Variants in ARHGEF12 observed in about 807,000 individuals in gnomAD.
ARHGEF12 encodes the protein Rho guanine nucleotide exchange factor 12.
A neutral mutation model predicts 211.2 loss-of-function variants in ARHGEF12; 66 were observed. The observed-to-expected ratio is 0.31, with a 90% CI of 0.26 to 0.38. The LOEUF is 0.38. Ranked by LOEUF, ARHGEF12 falls within the 10% of genes least tolerant of loss-of-function variation. The probability of loss-of-function intolerance (pLI) is 1.00; values close to 1 mark genes in which losing one functional copy is unlikely to be tolerated. For missense variants in ARHGEF12, 1,429 were observed against 1,869.5 expected, an observed-to-expected ratio of 0.76 and a Z score of 4.34; for synonymous variants, 592 against 638.4, an observed-to-expected ratio of 0.93 and a Z score of 1.09.
In ARHGEF12 at chr11:120,350,278, G is replaced by A. The variant is rs188585791; in HGVS notation, c.32+13003G>A. On this transcript the variant is annotated intron_variant, in intron 1 of 40. Transcript: ENST00000397843. Reference sequence around the variant, plus strand: ...CGCTTGTAATCCCAGCACTTTGGGAGGCCGAGGTGGGCGGATCATGAGGTC... The same window carrying A: ...CGCTTGTAATCCCAGCACTTTGGGAAGCCGAGGTGGGCGGATCATGAGGTC... Among the ~76,000 whole-genome samples, 17 of 152,296 alleles carry A rather than the reference G, an allele frequency of 1.1e-4. No homozygotes were observed. In the East Asian group the frequency reaches 2.9e-3, roughly 26 times the overall value.
intron 1 of ARHGEF12, among the ~76,000 whole-genome samples, chr11:120,371,443 G>A (rs545458356): frequency 8.4e-4 from 128 of 152,312 alleles, no homozygotes; most frequent in Middle Eastern, 3.4e-3. Context: ...AGCTGAGATC[G>A]TGCCACTGCA....
chr11:120,354,135 C>T (rs939506044), intron 1 of ARHGEF12, among the ~76,000 whole-genome samples: 2 of 152,114 alleles, frequency 1.3e-5, no homozygotes, highest in Admixed American at 1.3e-4. Context: ...CACAGAGATG[C>T]CTGTGAGAAG....
chr11:120,472,922 T>G, intron 30 of ARHGEF12, 128 bp from the exon 31 acceptor site: 1 of 727,434 alleles, frequency 1.4e-6, no homozygotes, highest in Non-Finnish European at 2.4e-6. Flanking sequence ...CCCAAAGTGC[T>G]GAGATTACAG....
At chr11:120,427,871 G>C (rs1945394219) in intron 7 of ARHGEF12, among the ~76,000 whole-genome samples, 198 bp from the exon 8 acceptor site, 1 of 151,910 alleles carries the variant, frequency 6.6e-6, no homozygotes, top group Non-Finnish European at 1.5e-5. Context: ...CATTCTTTTG[G>C]ATTTTTAGGG....
rs113223215 is a variant in ARHGEF12 at position 120,421,833 on chromosome 11, C to T, written c.329C>T (p.Thr110Ile). 600 of 1,610,976 alleles carry T rather than the reference C, an allele frequency of 3.7e-4. No individual in the cohort carries two copies. The highest frequency in any genetic ancestry group is 4.6e-4 in the Non-Finnish European group (547 of 1,178,662). ...DGAAMRAGVQ[T>I]GDRIIKVNGT... Reference sequence around the variant, plus strand: ...GCAGCCATGCGGGCTGGAGTACAGACAGGTGATCGAATCATCAAGGTAAGG... The same window carrying T: ...GCAGCCATGCGGGCTGGAGTACAGATAGGTGATCGAATCATCAAGGTAAGG... The change falls in exon 6 of 41, where the codon ACA becomes ATA. Residue 110 changes from threonine (T) to isoleucine (I), a missense_variant. By Grantham distance (89) the Thr-to-Ile change is moderately conservative. Transcript: ENST00000397843.
chr11:120,432,995 A>G (rs944030454), intron 11 of ARHGEF12, among the ~76,000 whole-genome samples: 1 of 152,120 alleles, frequency 6.6e-6, no homozygotes, highest in African/African-American at 2.4e-5. Context: ...GAAAATTTCA[A>G]TTTGGGCTCA....
rs3074753 is a variant in ARHGEF12, at chr11:120,442,463, T to TACAC, written c.1302+277_1302+280dup. ...ACACACACACACACACACATATATATACACACACACACACACACATATTTG... is the reference window on the plus strand; with the variant it reads ...ACACACACACACACACACATATATATACACACACACACACACACACACATATTTG... On this transcript the variant is annotated intron_variant, in intron 15 of 40. Transcript: ENST00000397843. Among the ~76,000 whole-genome samples the TACAC allele has an allele frequency of 2.3e-4, 34 of 146,006 alleles. No individual in the cohort carries two copies. In the East Asian group the frequency reaches 3.4e-3, roughly 15 times the overall value.
In ARHGEF12 at chr11:120,351,455, ATTTTTTTTT is replaced by A. The variant is rs1174506359; in HGVS notation, c.32+14198_32+14206del. Among the ~76,000 whole-genome samples the A allele has an allele frequency of 4.0e-3, 23 of 5,726 alleles. 1 individual carries two copies. Among genetic ancestry groups the A allele is most frequent in the Admixed American group, 0.015 (3 of 202 alleles). The allele number at this position is 5,726 out of a possible 152,430, so 3.8% of individuals were successfully genotyped here. A position where few individuals can be genotyped will look rare whatever the true frequency, so the allele number is the denominator to read the frequency against. On this transcript the variant is annotated intron_variant, in intron 1 of 40. Transcript: ENST00000397843. The stretch of plus-strand genomic sequence containing the variant: ...TATATATATATATATATATATATAT[ATTTTTTTTT>A]TTTTTTTTTTTTTTTTTGAGACAAA...
chr11:120,435,812 G>A (rs907186261), intron 11 of ARHGEF12, among the ~76,000 whole-genome samples: 1 of 151,856 alleles, frequency 6.6e-6, no homozygotes, highest in Non-Finnish European at 1.5e-5. Context: ...CACCACTCCC[G>A]GCCCCCAAGC....
At chr11:120,340,723 C>T (rs527499802) in intron 1 of ARHGEF12, among the ~76,000 whole-genome samples, 35 of 152,224 alleles carry the variant, frequency 2.3e-4, no homozygotes, top group African/African-American at 7.7e-4. Flanking sequence ...TCCATAAATA[C>T]AAAATTGAAA....
In ARHGEF12 at chr11:120,473,001, C is replaced by A; in HGVS notation, c.2956-49C>A. On this transcript the variant is annotated intron_variant, in intron 30 of 40. Transcript: ENST00000397843. The stretch of plus-strand genomic sequence containing the variant: ...AAGTTTGATTCAGAAATAGAGAGGT[C>A]ATTAATGACCAAAGCACTAACCTTG... The A allele has an allele frequency of 3.2e-6, 5 of 1,544,942 alleles. No homozygotes were observed. In the South Asian group the frequency reaches 5.6e-5, roughly 17 times the overall value.
At chr11:120,354,800 T>C (rs1168753041) in intron 1 of ARHGEF12, among the ~76,000 whole-genome samples, 1 of 152,172 alleles carries the variant, frequency 6.6e-6, no homozygotes, top group Non-Finnish European at 1.5e-5. Flanking sequence ...TTACTAGGTT[T>C]GGGATTTACA....
Position 120,406,134 on chromosome 11 carries a change from C to T in ARHGEF12, c.49C>T (p.Pro17Ser). 1 of 1,535,078 alleles carries T rather than the reference C, an allele frequency of 6.5e-7. No homozygotes were observed. Among genetic ancestry groups the T allele is most frequent in the Non-Finnish European group, 8.7e-7 (1 of 1,145,056 alleles). The change falls in exon 2 of 41, where the codon CCT becomes TCT. Residue 17 changes from proline (P) to serine (S), a missense_variant. Physicochemically the swap from Pro to Ser is moderately conservative, Grantham distance 74. Coordinates refer to ENST00000397843, the MANE Select transcript of ARHGEF12 (RefSeq NM_015313.3). ...TTGTTTCAGGTTTCCCCTCAAAAAA[C>T]CTATAAGGTAAGTTTGCTCAATTAC... is the stretch of plus-strand genomic sequence containing the variant. ...TITDRFPLKK[P>S]IRHGSILNRE...
intron 1 of ARHGEF12, among the ~76,000 whole-genome samples, chr11:120,395,464 G>A (rs1944354324): frequency 6.6e-6 from 1 of 152,186 alleles, no homozygotes; most frequent in Non-Finnish European, 1.5e-5. Flanking sequence ...GCTTAATATA[G>A]ATACAGATAT....
At chr11:120,440,944 G>A (rs1041313676) in intron 13 of ARHGEF12, among the ~76,000 whole-genome samples, 3 of 152,084 alleles carry the variant, frequency 2.0e-5, no homozygotes, top group Non-Finnish European at 2.9e-5. Context: ...AGATTATTAT[G>A]TGGTTTTTCT....
At chr11:120,347,602 T>C (rs1190058845) in intron 1 of ARHGEF12, among the ~76,000 whole-genome samples, 2 of 152,210 alleles carry the variant, frequency 1.3e-5, no homozygotes, top group African/African-American at 4.8e-5. Context: ...AATTCATCTA[T>C]CTAATTTTAG....
At chr11:120,420,896 A>G in intron 5 of ARHGEF12, 45 bp downstream of exon 5, 1 of 1,514,472 alleles carries the variant, frequency 6.6e-7, no homozygotes, top group East Asian at 2.3e-5. Flanking sequence ...AAACAGAGTA[A>G]GAATAGAAAA....
At chr11:120,435,297 T>C (rs1018154018) in intron 11 of ARHGEF12, among the ~76,000 whole-genome samples, 5 of 152,140 alleles carry the variant, frequency 3.3e-5, no homozygotes, top group Non-Finnish European at 7.4e-5. Context: ...TATGACATGT[T>C]CCTTTATCTA....
At position 120,442,086 on chromosome 11, in the gene ARHGEF12, T is replaced by C; in HGVS notation, c.1204-18T>C. 1 of 1,542,688 alleles carries C rather than the reference T, an allele frequency of 6.5e-7. No homozygotes were observed. The highest frequency in any genetic ancestry group is 8.8e-7 in the Non-Finnish European group (1 of 1,135,600). On this transcript the variant is annotated intron_variant, in intron 14 of 40. Transcript: ENST00000397843. The stretch of plus-strand genomic sequence containing the variant: ...ATGGTTCCTCATTTTGTCTTTTTCA[T>C]TCCTTTCTCCACTACAGCTCTGTTA...
Sources: allele counts gnomAD v4.1 joint callset (sites outside exome capture counted in the v4.1 genomes callset), GRCh38; gene constraint gnomAD v4.1.1; transcripts MANE v1.5; gene names NCBI Gene and HGNC (gene_info 2026-07-23, HGNC 2026-07-21).